The following ZMIZ2 variants were observed in gnomAD, a reference collection of about 807,000 sequenced individuals.
ZMIZ2 encodes zinc finger MIZ domain-containing protein 2.
In ZMIZ2, 26 loss-of-function variants were observed where a neutral mutation model predicts 93.9. The observed-to-expected ratio is 0.28, with a 90% CI of 0.20 to 0.38. The LOEUF (loss-of-function observed/expected upper bound fraction) is 0.38. Ranked by LOEUF, ZMIZ2 falls within the 10% of genes least tolerant of loss-of-function variation. The pLI is 1.00. For synonymous variants in ZMIZ2, 485 were observed against 516.4 expected, an observed-to-expected ratio of 0.94 and a Z score of 0.82; for missense variants, 1,023 against 1,235.0, an observed-to-expected ratio of 0.83 and a Z score of 2.57.
At position 44,767,941 on chromosome 7, in the gene ZMIZ2, C is replaced by T; in HGVS notation, c.*318C>T. The T allele has an allele frequency of 7.0e-6, 3 of 429,394 alleles. No homozygotes were observed. The East Asian group carries it at 1.5e-4, about 21-fold the overall frequency. 26.6% of individuals were successfully genotyped at this position (429,394 alleles called of 1,614,324 possible). ...CACACATCTCACGCCCCTGGTCTCACAGCCTCACACCTTGTCCTTCCACCC... is the reference window on the plus strand; with the variant it reads ...CACACATCTCACGCCCCTGGTCTCATAGCCTCACACCTTGTCCTTCCACCC... On this transcript the variant is annotated 3_prime_UTR_variant, in exon 19 of 19. Coordinates refer to ENST00000309315, the MANE Select transcript of ZMIZ2 (RefSeq NM_031449.4).
In ZMIZ2 at chr7:44,768,019, A is replaced by T. The variant is rs1335813473; in HGVS notation, c.*396A>T. 1 of 278,414 alleles carries T rather than the reference A, an allele frequency of 3.6e-6. No homozygotes were observed. Among genetic ancestry groups the T allele is most frequent in the Non-Finnish European group, 7.0e-6 (1 of 142,618 alleles). 17.2% of individuals were successfully genotyped at this position (278,414 alleles called of 1,614,324 possible). A position where few individuals can be genotyped will look rare whatever the true frequency, so the allele number is the denominator to read the frequency against. Reference sequence around the variant, plus strand: ...TGTCCAGCATTGATCCTTCTGTTTCAACAACTCCTCCACTGGGCAGAGCTG... The same window carrying T: ...TGTCCAGCATTGATCCTTCTGTTTCTACAACTCCTCCACTGGGCAGAGCTG... On this transcript the variant is annotated 3_prime_UTR_variant, in exon 19 of 19. Coordinates refer to ENST00000309315, the MANE Select transcript of ZMIZ2 (RefSeq NM_031449.4).
intron 11 of ZMIZ2, 87 bp from the exon 12 acceptor site, chr7:44,762,793 TG>T: frequency 1.7e-6 from 1 of 583,160 alleles, no homozygotes; most frequent in South Asian, 4.9e-5. Flanking sequence ...TGGCAGCCCC[TG>T]ACACACAACC....
chr7:44,765,589 G>A lies in ZMIZ2; in HGVS notation c.2242+10G>A. ...GACTACCCTGGCCAGGGTAAGTACA[G>A]CAGGCTAGCCTTGAACCTCAGATGA... is the stretch of plus-strand genomic sequence containing the variant. On this transcript the variant is annotated intron_variant, in intron 16 of 18. Coordinates refer to ENST00000309315, the MANE Select transcript of ZMIZ2 (RefSeq NM_031449.4). The surrounding 1 kb of genome is among the most constrained non-coding windows in gnomAD (Gnocchi z 4.1). 1 of 1,581,804 alleles carries A rather than the reference G, an allele frequency of 6.3e-7. No individual in the cohort carries two copies. Among genetic ancestry groups the A allele is most frequent in the Non-Finnish European group, 8.5e-7 (1 of 1,173,866 alleles).
Position 44,768,431 on chromosome 7 carries a change from G to GGGCT in ZMIZ2, c.*809_*812dup, listed in dbSNP as rs1315610823. 1 of 152,514 alleles carries GGGCT rather than the reference G, an allele frequency of 6.6e-6. No individual in the cohort carries two copies. Among genetic ancestry groups the GGGCT allele is most frequent in the Non-Finnish European group, 1.5e-5 (1 of 68,180 alleles). The allele number at this position is 152,514 out of a possible 1,614,324, so 9.4% of individuals were successfully genotyped here. A position where few individuals can be genotyped will look rare whatever the true frequency, so the allele number is the denominator to read the frequency against. The stretch of plus-strand genomic sequence containing the variant: ...TTCGGCCTGGCCGAGGTGGGTGGGT[G>GGGCT]GGCTCTCAGATTCAGCTCTGTGTAA... On this transcript the variant is annotated 3_prime_UTR_variant, in exon 19 of 19. Transcript: ENST00000309315.
Position 44,765,621 on chromosome 7 carries a change from G to A in ZMIZ2, c.2242+42G>A. ...AGCCTTGAACCTCAGATGACCCTGG[G>A]CATATGGCTCCTCTCCCCAGATCAG... On this transcript the variant is annotated intron_variant, in intron 16 of 18. Coordinates refer to ENST00000309315, the MANE Select transcript of ZMIZ2 (RefSeq NM_031449.4). The surrounding 1 kb of genome is among the most constrained non-coding windows in gnomAD (Gnocchi z 4.1). 1 of 1,573,858 alleles carries A rather than the reference G, an allele frequency of 6.4e-7. No homozygotes were observed. Among genetic ancestry groups the A allele is most frequent in the Non-Finnish European group, 8.6e-7 (1 of 1,163,024 alleles).
At position 44,765,587 on chromosome 7, in the gene ZMIZ2, C is replaced by T. The variant is rs1791626408; in HGVS notation, c.2242+8C>T. The T allele has an allele frequency of 1.3e-6, 2 of 1,539,062 alleles. No individual in the cohort carries two copies. The highest frequency in any genetic ancestry group is 1.1e-5 in the South Asian group (1 of 90,012). ...GCGACTACCCTGGCCAGGGTAAGTACAGCAGGCTAGCCTTGAACCTCAGAT... is the reference window on the plus strand; with the variant it reads ...GCGACTACCCTGGCCAGGGTAAGTATAGCAGGCTAGCCTTGAACCTCAGAT... On this transcript the variant is annotated splice_region_variant and intron_variant, in intron 16 of 18. Coordinates refer to ENST00000309315, the MANE Select transcript of ZMIZ2 (RefSeq NM_031449.4). This position sits in a 1 kb window ranked among gnomAD's most constrained non-coding sequence, Gnocchi z 4.1.
Position 44,761,964 on chromosome 7 carries a change from T to C in ZMIZ2, c.1596+59T>C, listed in dbSNP as rs764939231. ...GCGTGGGGCGGGGTGTGGTGGGGCC[T>C]GGCCCAGCGGTGCCGTGGGGTGGGG... On this transcript the variant is annotated intron_variant, in intron 11 of 18. Transcript: ENST00000309315. This position sits in a 1 kb window ranked among gnomAD's most constrained non-coding sequence, Gnocchi z 5.8. 4 of 396,880 alleles carry C rather than the reference T, an allele frequency of 1.0e-5. No homozygotes were observed. In the South Asian group the frequency reaches 1.2e-4, roughly 12 times the overall value. The allele number at this position is 396,880 out of a possible 1,614,324, so 24.6% of individuals were successfully genotyped here.
chr7:44,755,854 T>A (rs1250695282), intron 1 of ZMIZ2, among the ~76,000 whole-genome samples: 1 of 152,190 alleles, frequency 6.6e-6, no homozygotes, highest in Non-Finnish European at 1.5e-5. Context: ...CCTGGCTTTA[T>A]AAGGATAGCC....
rs371600326 is a variant in ZMIZ2, at chr7:44,761,794, G to A, written c.1485G>A (p.Pro495=). 3 of 1,613,868 alleles carry A rather than the reference G, an allele frequency of 1.9e-6. No individual in the cohort carries two copies. The highest frequency in any genetic ancestry group is 8.5e-7 in the Non-Finnish European group (1 of 1,180,020). The part of the protein sequence containing the change: ...ASVQVSVNAT[P]LTIERGDNKT... Reference sequence around the variant, plus strand: ...TGCAGGTCAGCGTCAATGCCACGCCGCTCACCATCGAGCGTGGCGACAACA... The same window carrying A: ...TGCAGGTCAGCGTCAATGCCACGCCACTCACCATCGAGCGTGGCGACAACA... Residue 495 remains proline (P), a synonymous_variant, in exon 11 of 19, where the codon CCG becomes CCA. Coordinates refer to ENST00000309315, the MANE Select transcript of ZMIZ2 (RefSeq NM_031449.4). This position sits in a 1 kb window ranked among gnomAD's most constrained non-coding sequence, Gnocchi z 5.8.
In ZMIZ2 at chr7:44,761,578, A is replaced by G; in HGVS notation, c.1370A>G (p.Lys457Arg). The change falls in exon 10 of 19, where the codon AAG becomes AGG. Residue 457 changes from lysine (K) to arginine (R), a missense_variant. By Grantham distance (26) the Lys-to-Arg change is conservative (BLOSUM62 2). Coordinates refer to ENST00000309315, the MANE Select transcript of ZMIZ2 (RefSeq NM_031449.4). The surrounding 1 kb of genome is among the most constrained non-coding windows in gnomAD (Gnocchi z 5.8). ...HVFQLRDSVY[K>R]TLIMRPDLEL... ...TTCCAGCTGCGAGACTCAGTCTACA[A>G]GACCCTGATAATGAGGTGAGCTCCG... 1 of 1,614,050 alleles carries G rather than the reference A, an allele frequency of 6.2e-7. No individual in the cohort carries two copies. Among genetic ancestry groups the G allele is most frequent in the Non-Finnish European group, 8.5e-7 (1 of 1,180,004 alleles).
chr7:44,761,890 C>T lies in ZMIZ2; in HGVS notation c.1581C>T (p.Val527=). The change falls in exon 11 of 19, where the codon GTC becomes GTT. Residue 527 remains valine (V), a synonymous_variant. Transcript: ENST00000309315. The surrounding 1 kb of genome is among the most constrained non-coding windows in gnomAD (Gnocchi z 5.8). The part of the protein sequence containing the change: ...QPGRNTIQIT[V]TACCCSHLFV... The stretch of plus-strand genomic sequence containing the variant: ...GCCGCAACACCATCCAGATCACCGT[C>T]ACCGCCTGCTGCTGCGTGCGTGTCC... The T allele has an allele frequency of 6.2e-7, 1 of 1,613,330 alleles. No homozygotes were observed. Among genetic ancestry groups the T allele is most frequent in the Non-Finnish European group, 8.5e-7 (1 of 1,180,012 alleles).
At chr7:44,751,250 C>T (rs1790119277) in intron 1 of ZMIZ2, among the ~76,000 whole-genome samples, 1 of 152,222 alleles carries the variant, frequency 6.6e-6, no homozygotes, top group Non-Finnish European at 1.5e-5. Flanking sequence ...CACTGCATTT[C>T]CTAGATCTGA....
chr7:44,756,580 C>A, intron 3 of ZMIZ2, 41 bp downstream of exon 3: 1 of 1,601,234 alleles, frequency 6.2e-7, no homozygotes. Context: ...CAGACAGAGC[C>A]TCCCAGCACT....
intron 7 of ZMIZ2, chr7:44,759,945 T>A: frequency 1.7e-6 from 1 of 604,674 alleles, no homozygotes; most frequent in Middle Eastern, 2.8e-4. Flanking sequence ...GGGCTTAGCG[T>A]GCTTTTGTCT....
chr7:44,750,260 A>G (rs1267611351), intron 1 of ZMIZ2, among the ~76,000 whole-genome samples: 1 of 152,168 alleles, frequency 6.6e-6, no homozygotes, highest in Non-Finnish European at 1.5e-5. Flanking sequence ...GAAATGTCTC[A>G]TGCCTGGGCC....
In ZMIZ2 at chr7:44,760,606, A is replaced by G. The variant is rs781696838; in HGVS notation, c.1240+13A>G. 6.2e-7 allele frequency: 1 copy of G among 1,612,026 alleles called. No individual in the cohort carries two copies. Among genetic ancestry groups the G allele is most frequent in the East Asian group, 2.2e-5 (1 of 44,702 alleles). ...TCATCGCCCTCTGGTAAGTCTGTCC[A>G]CTCTTGGGACAGCGGGGTGACAAGG... is the stretch of plus-strand genomic sequence containing the variant. On this transcript the variant is annotated intron_variant, in intron 9 of 18. Coordinates refer to ENST00000309315, the MANE Select transcript of ZMIZ2 (RefSeq NM_031449.4).
chr7:44,756,406 G>C lies in ZMIZ2; in HGVS notation c.51-19G>C, dbSNP rs201998052. The C allele has an allele frequency of 1.9e-6, 3 of 1,613,930 alleles. No individual in the cohort carries two copies. The highest frequency in any genetic ancestry group is 1.7e-6 in the Non-Finnish European group (2 of 1,179,968). ...CAGTGGCTTCCTGACCCAGGCCTCAGCAGCCTCTTTCCCTGCAGTGATGGT... is the reference window on the plus strand; with the variant it reads ...CAGTGGCTTCCTGACCCAGGCCTCACCAGCCTCTTTCCCTGCAGTGATGGT... On this transcript the variant is annotated intron_variant, in intron 2 of 18. Coordinates refer to ENST00000309315, the MANE Select transcript of ZMIZ2 (RefSeq NM_031449.4).
At chr7:44,754,075 C>T (rs868283064) in intron 1 of ZMIZ2, among the ~76,000 whole-genome samples, 1 of 152,206 alleles carries the variant, frequency 6.6e-6, no homozygotes, top group Admixed American at 6.5e-5. Flanking sequence ...ATTACCATAT[C>T]TATATTCTAA....
At chr7:44,759,157 A>G in intron 6 of ZMIZ2, 124 bp from the exon 7 acceptor site, 1 of 791,618 alleles carries the variant, frequency 1.3e-6, no homozygotes, top group Non-Finnish European at 1.9e-6. Flanking sequence ...TCACAGCAGG[A>G]TCTTCAAGGG....
Sources: allele counts gnomAD v4.1 joint callset (sites outside exome capture counted in the v4.1 genomes callset), GRCh38; gene constraint gnomAD v4.1.1; non-coding constraint Gnocchi (gnomAD v3.1); transcripts MANE v1.5; gene names NCBI Gene and HGNC (gene_info 2026-07-23, HGNC 2026-07-21).